The following KIFC3 variants were observed in gnomAD, a reference collection of about 807,000 sequenced individuals.
KIFC3 encodes kinesin family member C3, also known as kinesin-like protein KIFC3.
A neutral mutation model predicts 101.8 loss-of-function variants in KIFC3; 60 were observed. The observed-to-expected ratio is 0.59, with a 90% CI of 0.48 to 0.73. KIFC3 has a LOEUF of 0.73. KIFC3 is among the 30% of genes least tolerant of loss of function. The pLI is 0.00. For synonymous variants in KIFC3, 476 were observed against 482.7 expected (o/e 0.99, Z 0.18); for missense variants, 966 against 1,137.1 (o/e 0.85, Z 2.16).
chr16:57,770,701 C>T lies in KIFC3; in HGVS notation c.766-1G>A. 1 of 1,474,090 alleles carries T rather than the reference C, an allele frequency of 6.8e-7. No homozygotes were observed. The highest frequency in any genetic ancestry group is 1.4e-5 in the South Asian group (1 of 71,380). 91.3% of individuals were successfully genotyped at this position (1,474,090 alleles called of 1,614,324 possible). A position where few individuals can be genotyped will look rare whatever the true frequency, so the allele number is the denominator to read the frequency against. ...CCACCTCCACTGTCTTGATGACATA[C>T]TGCAGGGTGAGGGAGGAATGGCACG... On this transcript the variant is annotated splice_acceptor_variant, in intron 6 of 19. Coordinates refer to ENST00000445690, the MANE Select transcript of KIFC3 (RefSeq NM_001130100.2). LOFTEE classifies it high-confidence loss of function.
At chr16:57,772,135 A>G (rs2051321330) in intron 4 of KIFC3, 88 bp downstream of exon 4, 2 of 1,117,528 alleles carry the variant, frequency 1.8e-6, no homozygotes, top group Non-Finnish European at 2.6e-6. Flanking sequence ...CTCAGGAGAG[A>G]GAGGGTCGCA....
chr16:57,792,865 C>CAAA (rs35129462), intron 3 of KIFC3, among the ~76,000 whole-genome samples: 1 of 38,406 alleles, frequency 2.6e-5, no homozygotes, highest in Admixed American at 3.8e-4. Flanking sequence ...AGACCTTGCT[C>CAAA]AAAAAAAAAA....
At position 57,771,550 on chromosome 16, in the gene KIFC3, T is replaced by C. The variant is rs142416011; in HGVS notation, c.518A>G (p.His173Arg). 9.9e-6 allele frequency: 16 copies of C among 1,612,960 alleles called. No homozygotes were observed. The highest frequency in any genetic ancestry group is 9.3e-5 in the African/African-American group (7 of 74,946). ...CACGGCCATTCTGCTCACCTGGCTGTGCTCACAACCTGGGCAGGGACCTGC... is the reference window on the plus strand; with the variant it reads ...CACGGCCATTCTGCTCACCTGGCTGCGCTCACAACCTGGGCAGGGACCTGC... ...KPAGPCPGCEHSQESAQLRDK... is the reference protein window; with the variant it reads ...KPAGPCPGCERSQESAQLRDK... Residue 173 changes from histidine (H) to arginine (R), a missense_variant, in exon 5 of 20, where the codon CAC (histidine) becomes CGC (arginine). Transcript: ENST00000445690.
At chr16:57,827,644 A>AC (rs2055487243) in intron 1 of KIFC3, among the ~76,000 whole-genome samples, 1 of 151,814 alleles carries the variant, frequency 6.6e-6, no homozygotes, top group Non-Finnish European at 1.5e-5. Flanking sequence ...TCTAGAAGTC[A>AC]CCCCCTTGGG....
chr16:57,857,047 T>C (rs554120457), intron 1 of KIFC3, among the ~76,000 whole-genome samples: 4 of 152,296 alleles, frequency 2.6e-5, no homozygotes, highest in East Asian at 1.9e-4. Flanking sequence ...GATGGATTGC[T>C]ATTTATTAGT....
chr16:57,764,124 C>A lies in KIFC3; in HGVS notation c.1617+19G>T, dbSNP rs1555600402. The A allele has an allele frequency of 6.4e-7, 1 of 1,574,042 alleles. No individual in the cohort carries two copies. Among genetic ancestry groups the A allele is most frequent in the South Asian group, 1.1e-5 (1 of 90,262 alleles). ...TTCATGCTTCACTGTGAACCCCCAC[C>A]CCATTGGGCAGCACCCACCTCCATC... On this transcript the variant is annotated intron_variant, in intron 12 of 19. Transcript: ENST00000445690.
At chr16:57,856,829 C>A (rs1483635043) in intron 1 of KIFC3, among the ~76,000 whole-genome samples, 2 of 152,182 alleles carry the variant, frequency 1.3e-5, no homozygotes, top group Non-Finnish European at 1.5e-5. Flanking sequence ...AACTACCAAA[C>A]CCACCCAAGA....
rs535073595 is a variant in KIFC3, at chr16:57,798,214, C to T, written c.30G>A (p.Leu10=). Residue 10 remains leucine, a synonymous_variant, in exon 2 of 20, where the codon CTG becomes CTA. Transcript: ENST00000445690. ...GGCCCCGCAGCGAGGGCGTGGCTCC[C>T]AGGTTCCACGTCCTGCGAGAGGGGA... is the stretch of plus-strand genomic sequence containing the variant. MVPSRRTWN[L]GATPSLRGLW... 110 of 1,548,250 alleles carry T rather than the reference C, an allele frequency of 7.1e-5. No individual in the cohort carries two copies. The African/African-American group carries it at 1.4e-3, about 20-fold the overall frequency.
At chr16:57,800,465 G>A (rs538896576) in intron 1 of KIFC3, among the ~76,000 whole-genome samples, 2 of 152,334 alleles carry the variant, frequency 1.3e-5, no homozygotes, top group Admixed American at 1.3e-4. Context: ...AACCAACCCT[G>A]CAGACCAGCT....
intron 12 of KIFC3, among the ~76,000 whole-genome samples, chr16:57,763,470 C>T (rs1377877836): frequency 6.6e-6 from 1 of 152,166 alleles, no homozygotes. Context: ...GTCCAGACGC[C>T]ACACCACCTG....
chr16:57,782,712 G>A (rs1555615504), intron 3 of KIFC3, among the ~76,000 whole-genome samples: 1 of 152,242 alleles, frequency 6.6e-6, no homozygotes, highest in African/African-American at 2.4e-5. Context: ...GGGAGGCTGA[G>A]GCGGGTGGAT....
intron 3 of KIFC3, among the ~76,000 whole-genome samples, chr16:57,777,483 G>A (rs1320842226): frequency 6.6e-6 from 1 of 152,234 alleles, no homozygotes; most frequent in Admixed American, 6.5e-5. Context: ...CACTTTGGGA[G>A]GCCGAGGCAG....
chr16:57,847,803 T>TGTGTGTGTGAGA (rs1475141468), intron 1 of KIFC3, among the ~76,000 whole-genome samples: 2 of 143,832 alleles, frequency 1.4e-5, no homozygotes, highest in African/African-American at 5.2e-5. Context: ...TGTGTGTGTG[T>TGTGTGTGTGAGA]GAGACCGAGT....
rs782788564 is a variant in KIFC3, at chr16:57,771,420, A to G, written c.543T>C (p.Arg181=). 1 of 1,613,586 alleles carries G rather than the reference A, an allele frequency of 6.2e-7. No individual in the cohort carries two copies. The highest frequency in any genetic ancestry group is 1.1e-5 in the South Asian group (1 of 91,084). The change falls in exon 6 of 20, where the codon CGT becomes CGC. Residue 181 remains arginine (R), a synonymous_variant. Coordinates refer to ENST00000445690, the MANE Select transcript of KIFC3 (RefSeq NM_001130100.2). ...CCAGCTGCAGCTGGGACAGCTTGTC[A>G]CGGAGCTGGGCGCTCTCCTGCAGCC... The part of the protein sequence containing the change: ...CEHSQESAQL[R]DKLSQLQLEM...
chr16:57,858,668 C>T (rs2056230211), intron 1 of KIFC3, among the ~76,000 whole-genome samples: 4 of 151,956 alleles, frequency 2.6e-5, no homozygotes, highest in African/African-American at 7.3e-5. Flanking sequence ...TAATTGAGGC[C>T]GGGTGCAGTG....
rs782618261 is a variant in KIFC3 at position 57,762,151 on chromosome 16, A to G, written c.1737T>C (p.Asn579=). Residue 579 remains asparagine, a synonymous_variant, in exon 13 of 20, where the codon AAT becomes AAC. Coordinates refer to ENST00000445690, the MANE Select transcript of KIFC3 (RefSeq NM_001130100.2). The part of the protein sequence containing the change: ...TITVSAAEIY[N]EVLRDLLGKE... ...CCTGGGGCTCCCACCTGAGGACCTC[A>G]TTGTAGATCTCCGCAGCGCTGACGG... The G allele has an allele frequency of 1.0e-5, 16 of 1,603,220 alleles. No homozygotes were observed. The East Asian group carries it at 2.2e-4, about 22-fold the overall frequency.
chr16:57,760,057 A>ACCC, intron 17 of KIFC3: 1 of 621,636 alleles, frequency 1.6e-6, no homozygotes, highest in East Asian at 2.8e-5. Flanking sequence ...ACTATGTGCC[A>ACCC]CCCCCACGGC....
chr16:57,858,721 CG>C (rs2056231586), intron 1 of KIFC3, among the ~76,000 whole-genome samples: 1 of 152,146 alleles, frequency 6.6e-6, no homozygotes, highest in East Asian at 1.9e-4. Flanking sequence ...CTGAGGTGGA[CG>C]GATCACTTGA....
chr16:57,862,193 C>CT (rs55718589), intron 1 of KIFC3, among the ~76,000 whole-genome samples: 15,598 of 128,258 alleles, frequency 0.12, 1,158 homozygotes, highest in African/African-American at 0.21. Context: ...CTACATCTGG[C>CT]TTTTTTTTTT....
Sources: gnomAD v4.1 joint callset for allele counts (sites outside exome capture counted in the v4.1 genomes callset) on GRCh38, gnomAD v4.1.1 for gene constraint, MANE v1.5 for transcripts, NCBI Gene and HGNC (gene_info 2026-07-23, HGNC 2026-07-21) for gene names.